Variants in COL14A1 observed in about 807,000 individuals in gnomAD.
The protein encoded by COL14A1 is collagen alpha-1(XIV) chain.
In COL14A1, 136 loss-of-function variants were observed where a neutral mutation model predicts 230.3. The observed-to-expected ratio is 0.59, with a 90% CI of 0.51 to 0.68. The LOEUF (loss-of-function observed/expected upper bound fraction) is 0.68. Ranked by LOEUF, COL14A1 falls within the 30% of genes least tolerant of loss-of-function variation. COL14A1 has a pLI of 0.00. For synonymous variants in COL14A1, 792 were observed against 784.1 expected, an observed-to-expected ratio of 1.01 and a Z score of -0.17; for missense variants, 1,976 against 2,215.8, an observed-to-expected ratio of 0.89 and a Z score of 2.17.
At chr8:120,197,954 A>T (rs374877498) in intron 7 of COL14A1, 24 bp downstream of exon 7, 1 of 1,609,424 alleles carries the variant, frequency 6.2e-7, no homozygotes, top group East Asian at 2.2e-5. Context: ...AATCCATGTT[A>T]TAACAACATA....
chr8:120,161,521 T>C (rs944973960), intron 3 of COL14A1, among the ~76,000 whole-genome samples: 2 of 152,218 alleles, frequency 1.3e-5, no homozygotes, highest in African/African-American at 4.8e-5. Context: ...CAATGAGTGA[T>C]TCCTTCAGCA....
chr8:120,323,896 A>G (rs1177503878), intron 40 of COL14A1, among the ~76,000 whole-genome samples: 1 of 152,132 alleles, frequency 6.6e-6, no homozygotes, highest in Non-Finnish European at 1.5e-5. Context: ...CCTTGGCTGT[A>G]AGAATGAGAT....
intron 20 of COL14A1, among the ~76,000 whole-genome samples, chr8:120,245,537 A>G (rs1324392008): frequency 6.6e-6 from 1 of 152,258 alleles, no homozygotes; most frequent in African/African-American, 2.4e-5. Context: ...AGACTGCTCT[A>G]GAACTTAATG....
chr8:120,161,108 G>T (rs1019624556), intron 3 of COL14A1, among the ~76,000 whole-genome samples: 1 of 152,106 alleles, frequency 6.6e-6, no homozygotes, highest in Non-Finnish European at 1.5e-5. Context: ...GAACATAAAC[G>T]CACATAAGGA....
chr8:120,272,891 CAG>C (rs1381431315), intron 26 of COL14A1, among the ~76,000 whole-genome samples: 4 of 151,644 alleles, frequency 2.6e-5, no homozygotes, highest in Admixed American at 6.6e-5. Context: ...ATAATCAAGA[CAG>C]AGAATCAACA....
At chr8:120,300,600 A>C (rs1031192069) in intron 35 of COL14A1, 132 bp from the exon 36 acceptor site, 4 of 703,558 alleles carry the variant, frequency 5.7e-6, no homozygotes, top group Non-Finnish European at 9.9e-6. Context: ...ATCAGGAGTG[A>C]ATATTCTCTG....
intron 47 of COL14A1, 122 bp downstream of exon 47, chr8:120,369,607 G>C (rs1288595209): frequency 1.1e-6 from 1 of 936,108 alleles, no homozygotes; most frequent in African/African-American, 1.7e-5. Flanking sequence ...AGCAGAGCTT[G>C]AATGCCTCAC....
chr8:120,363,165 G>C (rs943154140), intron 45 of COL14A1, among the ~76,000 whole-genome samples: 1 of 152,144 alleles, frequency 6.6e-6, no homozygotes, highest in African/African-American at 2.4e-5. Context: ...CAACAGCAAA[G>C]ACATGGAACC....
chr8:120,219,639 TG>T (rs1351904283), intron 14 of COL14A1, among the ~76,000 whole-genome samples: 1 of 152,120 alleles, frequency 6.6e-6, no homozygotes, highest in Non-Finnish European at 1.5e-5. Context: ...ACTACTGCAT[TG>T]GGGATCAGGT....
At chr8:120,146,316 C>T (rs183724892) in intron 1 of COL14A1, among the ~76,000 whole-genome samples, 61 of 152,264 alleles carry the variant, frequency 4.0e-4, no homozygotes, top group African/African-American at 1.3e-3. Flanking sequence ...AGCTATGCAT[C>T]TCCTGAAAAA....
At chr8:120,181,489 T>C (rs1217211142) in intron 5 of COL14A1, among the ~76,000 whole-genome samples, 1 of 152,158 alleles carries the variant, frequency 6.6e-6, no homozygotes, top group East Asian at 1.9e-4. Context: ...GGGCAAAAAT[T>C]GATTTTGGGA....
At chr8:120,284,124 T>C (rs1178915881) in intron 32 of COL14A1, among the ~76,000 whole-genome samples, 1 of 152,130 alleles carries the variant, frequency 6.6e-6, no homozygotes, top group Non-Finnish European at 1.5e-5. Context: ...TTTTTGGACA[T>C]AGACATAATA....
At chr8:120,191,351 A>G (rs1816817386) in intron 5 of COL14A1, among the ~76,000 whole-genome samples, 1 of 152,142 alleles carries the variant, frequency 6.6e-6, no homozygotes, top group Non-Finnish European at 1.5e-5. Context: ...GTAGTTCAGC[A>G]ATTTTGAGTG....
rs1265886475 is a variant in COL14A1 at position 120,270,134 on chromosome 8, C to T, written c.3173C>T (p.Thr1058Ile). 1 of 1,611,246 alleles carries T rather than the reference C, an allele frequency of 6.2e-7. No homozygotes were observed. Among genetic ancestry groups the T allele is most frequent in the African/African-American group, 1.3e-5 (1 of 74,704 alleles). ...AAGATCATCAGCTTTCTATACAGCA[C>T]TGTTGGAGCCCTGAACAAGATTGGC... ...FNKIISFLYS[T>I]VGALNKIGTD... is the part of the protein sequence containing the mutation. The change falls in exon 26 of 48, where the codon ACT becomes ATT. Residue 1058 changes from threonine to isoleucine, a missense_variant. Coordinates refer to ENST00000297848, the MANE Select transcript of COL14A1 (RefSeq NM_021110.4).
chr8:120,173,648 C>CTCTATCTATCTA (rs59734398), intron 5 of COL14A1, among the ~76,000 whole-genome samples: 2,843 of 146,344 alleles, frequency 0.019, 31 homozygotes, highest in Non-Finnish European at 0.023. Context: ...TATTATCTGT[C>CTCTATCTATCTA]TCTATCTATC....
At chr8:120,275,388 C>G (rs1030879347) in intron 26 of COL14A1, among the ~76,000 whole-genome samples, 4 of 151,916 alleles carry the variant, frequency 2.6e-5, no homozygotes, top group Non-Finnish European at 5.9e-5. Context: ...GATAAAAATT[C>G]TAGGAGATAA....
intron 14 of COL14A1, among the ~76,000 whole-genome samples, chr8:120,224,079 T>C (rs1443593824): frequency 7.7e-6 from 1 of 130,320 alleles, no homozygotes; most frequent in Non-Finnish European, 1.6e-5. Flanking sequence ...CAGGCTGGAG[T>C]GCAGTGGCAT....
At chr8:120,357,429 A>G (rs1823027283) in intron 45 of COL14A1, among the ~76,000 whole-genome samples, 1 of 152,044 alleles carries the variant, frequency 6.6e-6, no homozygotes, top group Non-Finnish European at 1.5e-5. Context: ...CAAGAGAGAG[A>G]GCAGAGGAGT....
At chr8:120,328,982 G>T (rs1821779370) in intron 40 of COL14A1, among the ~76,000 whole-genome samples, 1 of 152,148 alleles carries the variant, frequency 6.6e-6, no homozygotes, top group African/African-American at 2.4e-5. Flanking sequence ...ACGCATAGGT[G>T]CATGTTCACT....
Sources: gnomAD v4.1 joint callset for allele counts (sites outside exome capture counted in the v4.1 genomes callset) on GRCh38, gnomAD v4.1.1 for gene constraint, MANE v1.5 for transcripts, NCBI Gene and HGNC (gene_info 2026-07-23, HGNC 2026-07-21) for gene names.